Variants in CADM2 observed in about 807,000 individuals in gnomAD.
The protein encoded by CADM2 is immunoglobulin superfamily member 4D.
A neutral mutation model predicts 49.8 loss-of-function variants in CADM2; 12 were observed. The observed-to-expected ratio is 0.24, with a 90% CI of 0.15 to 0.39. CADM2 has a LOEUF of 0.39. Ranked by LOEUF, CADM2 falls within the 10% of genes least tolerant of loss-of-function variation. The pLI is 1.00. For missense variants in CADM2, 378 were observed against 492.3 expected (o/e 0.77, Z 2.20); for synonymous variants, 214 against 175.4 (o/e 1.22, Z -1.74).
chr3:85,818,600 G>A lies in CADM2; in HGVS notation c.238+16404G>A, dbSNP rs73142889. 8.7e-3 allele frequency among the ~76,000 whole-genome samples: 1,324 copies of A among 152,112 alleles called. 15 individuals carry two copies. Among genetic ancestry groups the A allele is most frequent in the Middle Eastern group, 0.041 (12 of 294 alleles). ...CTTTATCAACTCATTAAATGATTCT[G>A]TATTATCTATAAATAATTTTGCTTC... On this transcript the variant is annotated intron_variant, in intron 3 of 9. Transcript: ENST00000383699.
At chr3:85,530,739 GC>G (rs1559890113) in intron 1 of CADM2, among the ~76,000 whole-genome samples, 3 of 152,064 alleles carry the variant, frequency 2.0e-5, no homozygotes, top group African/African-American at 7.2e-5. Flanking sequence ...TTAGCATCTA[GC>G]CAAGTATGGC....
chr3:84,980,744 C>G (rs1054947268), intron 1 of CADM2, among the ~76,000 whole-genome samples: 3 of 151,972 alleles, frequency 2.0e-5, no homozygotes, highest in African/African-American at 7.2e-5. Flanking sequence ...AGGTGTTTCA[C>G]CTTAGAAATG....
chr3:85,291,236 G>A (rs2106934544), intron 1 of CADM2, among the ~76,000 whole-genome samples: 1 of 152,014 alleles, frequency 6.6e-6, no homozygotes, highest in Non-Finnish European at 1.5e-5. Flanking sequence ...GAAGTTTAGA[G>A]AAAAAAGAAT....
At chr3:85,573,492 G>T (rs935879117) in intron 1 of CADM2, among the ~76,000 whole-genome samples, 1 of 151,976 alleles carries the variant, frequency 6.6e-6, no homozygotes, top group African/African-American at 2.4e-5. Context: ...GTGAGCCACC[G>T]CTCCCAGCCT....
chr3:85,104,780 C>T (rs957311046), intron 1 of CADM2, among the ~76,000 whole-genome samples: 3 of 152,062 alleles, frequency 2.0e-5, no homozygotes, highest in African/African-American at 7.2e-5. Flanking sequence ...TAATGAGGTC[C>T]TTCACATTCC....
At chr3:85,021,117 A>G (rs1341494270) in intron 1 of CADM2, among the ~76,000 whole-genome samples, 2 of 43,574 alleles carry the variant, frequency 4.6e-5, no homozygotes, top group Non-Finnish European at 1.0e-4. Flanking sequence ...ACCCTGTCTC[A>G]AAAAAAAAAA....
At position 85,269,582 on chromosome 3, in the gene CADM2, A is replaced by G. The variant is rs372078668; in HGVS notation, c.61+309914A>G. Among the ~76,000 whole-genome samples the G allele has an allele frequency of 1.8e-3, 272 of 151,430 alleles. 1 individual carries two copies. The highest frequency in any genetic ancestry group is 6.3e-3 in the African/African-American group (262 of 41,470). On this transcript the variant is annotated intron_variant, in intron 1 of 9. Transcript: ENST00000383699. ...ATCCCTTGGTTAATTTTATAAACAG[A>G]TATTTGTTTTGTATAGTTAGTTTAA... is the stretch of plus-strand genomic sequence containing the variant.
In CADM2 at chr3:86,000,300, T is replaced by C. The variant is rs370854254; in HGVS notation, c.970+38653T>C. ...ACCTTTAAAAAAGTGGTGAAGTTTC[T>C]AAATAATGGCTGTGCAAATGAAAAA... On this transcript the variant is annotated intron_variant, in intron 8 of 9. Transcript: ENST00000383699. 1.3e-5 allele frequency among the ~76,000 whole-genome samples: 2 copies of C among 152,150 alleles called. 1 individual carries two copies. The highest frequency in any genetic ancestry group is 3.8e-4 in the East Asian group (2 of 5,198).
intron 1 of CADM2, among the ~76,000 whole-genome samples, chr3:85,444,685 T>C (rs2037365672): frequency 6.6e-6 from 1 of 152,180 alleles, no homozygotes; most frequent in East Asian, 1.9e-4. Context: ...TGTCAACATA[T>C]AACATACACT....
intron 5 of CADM2, among the ~76,000 whole-genome samples, chr3:85,893,638 AC>A (rs1714787921): frequency 1.3e-5 from 2 of 152,318 alleles, no homozygotes; most frequent in Non-Finnish European, 2.9e-5. Context: ...ATGAACTCAA[AC>A]AAATTTACAA....
At chr3:85,304,318 C>T (rs1007878059) in intron 1 of CADM2, among the ~76,000 whole-genome samples, 1 of 151,660 alleles carries the variant, frequency 6.6e-6, no homozygotes, top group Admixed American at 6.6e-5. Context: ...AAGTTTCAAA[C>T]GGTATATCAT....
chr3:85,365,854 A>G (rs2032744870), intron 1 of CADM2, among the ~76,000 whole-genome samples: 1 of 152,186 alleles, frequency 6.6e-6, no homozygotes, highest in Non-Finnish European at 1.5e-5. Context: ...TATCATGTGC[A>G]TTCTGACCCT....
At chr3:85,418,344 T>A (rs1217673101) in intron 1 of CADM2, among the ~76,000 whole-genome samples, 1 of 152,142 alleles carries the variant, frequency 6.6e-6, no homozygotes, top group African/African-American at 2.4e-5. Flanking sequence ...TATATCACAG[T>A]AATGCAAGCT....
chr3:84,965,420 TA>T (rs1429513346), intron 1 of CADM2, among the ~76,000 whole-genome samples: 1 of 152,168 alleles, frequency 6.6e-6, no homozygotes, highest in African/African-American at 2.4e-5. Flanking sequence ...GTAGTGGACA[TA>T]AAACATCCTT....
intron 1 of CADM2, among the ~76,000 whole-genome samples, chr3:85,385,112 T>C (rs1344308973): frequency 6.6e-6 from 1 of 151,892 alleles, no homozygotes; most frequent in Non-Finnish European, 1.5e-5. Flanking sequence ...TTTTTGTATA[T>C]TTAGTATAGA....
intron 1 of CADM2, among the ~76,000 whole-genome samples, chr3:85,084,131 C>T (rs2037282173): frequency 6.6e-6 from 1 of 152,160 alleles, no homozygotes; most frequent in Admixed American, 6.6e-5. Flanking sequence ...GATATGCTTT[C>T]TGACTTCCTT....
chr3:85,064,560 T>G (rs2036454150), intron 1 of CADM2, among the ~76,000 whole-genome samples: 1 of 152,128 alleles, frequency 6.6e-6, no homozygotes, highest in Non-Finnish European at 1.5e-5. Context: ...CATGGGTTTG[T>G]GATCATAGTC....
intron 1 of CADM2, among the ~76,000 whole-genome samples, chr3:85,276,907 G>T (rs2043368672): frequency 6.6e-6 from 1 of 151,128 alleles, no homozygotes; most frequent in African/African-American, 2.4e-5. Flanking sequence ...TATTCTAGAG[G>T]AATGTGAATA....
At chr3:85,266,934 G>A (rs2043133646) in intron 1 of CADM2, among the ~76,000 whole-genome samples, 1 of 151,790 alleles carries the variant, frequency 6.6e-6, no homozygotes, top group African/African-American at 2.4e-5. Context: ...TAATTATGTT[G>A]AGAAATCTTC....
Sources: gnomAD v4.1 joint callset for allele counts (sites outside exome capture counted in the v4.1 genomes callset) on GRCh38, gnomAD v4.1.1 for gene constraint, MANE v1.5 for transcripts, NCBI Gene and HGNC (gene_info 2026-07-23, HGNC 2026-07-21) for gene names.